DISP3: variants seen among roughly 807,000 people sequenced by gnomAD.
DISP3 encodes the protein dispatched RND transporter family member 3, also known as protein dispatched homolog 3.
DISP3 carries 101 observed loss-of-function variants against 135.3 expected under a neutral mutation model. That is an observed-to-expected ratio of 0.75 (90% CI 0.64 to 0.88). The LOEUF (loss-of-function observed/expected upper bound fraction) is 0.88. Ranked by LOEUF, DISP3 falls within the 40% of genes least tolerant of loss-of-function variation. The probability of loss-of-function intolerance (pLI) is 0.00; values close to 1 mark genes in which losing one functional copy is unlikely to be tolerated. For missense variants in DISP3, 1,713 were observed against 1,878.6 expected (o/e 0.91, Z 1.63); for synonymous variants, 856 against 817.0 (o/e 1.05, Z -0.81).
intron 3 of DISP3, 147 bp from the exon 4 acceptor site, chr1:11,514,243 A>G: frequency 1.1e-6 from 1 of 940,622 alleles, no homozygotes; most frequent in East Asian, 2.4e-5. Flanking sequence ...GGATTATTGG[A>G]AGCCCCCAGG....
chr1:11,517,732 G>A (rs1047875204), intron 7 of DISP3, 130 bp downstream of exon 7: 1 of 1,232,530 alleles, frequency 8.1e-7, no homozygotes, highest in Non-Finnish European at 1.1e-6. Context: ...GAACAGGGAA[G>A]GAGAAGATGC....
intron 1 of DISP3, among the ~76,000 whole-genome samples, chr1:11,498,080 C>A (rs1220253419): frequency 6.6e-6 from 1 of 152,224 alleles, no homozygotes; most frequent in Non-Finnish European, 1.5e-5. Context: ...TCACTTAAAT[C>A]CAGCAAATGC....
At position 11,501,560 on chromosome 1, in the gene DISP3, TC is replaced by T. The variant is rs762669924; in HGVS notation, c.570del (p.Ala191ArgfsTer36). 1 of 1,588,286 alleles carries T rather than the reference TC, an allele frequency of 6.3e-7. No homozygotes were observed. Among genetic ancestry groups the T allele is most frequent in the East Asian group, 2.2e-5 (1 of 44,470 alleles). ...LGGPGPYRDT[S>X]AAQKPTANRS... ...TGGCCCAGGCCCTTACCGGGACACT[TC>T]CGCGGCTCAAAAGCCCACAGCCAAT... On this transcript the variant is annotated frameshift_variant, in exon 2 of 21. Transcript: ENST00000294484. LOFTEE classifies it high-confidence loss of function. This position sits in a 1 kb window ranked among gnomAD's most constrained non-coding sequence, Gnocchi z 4.9.
rs1642513826 is a variant in DISP3, at chr1:11,529,422, C to T, written c.2799-134C>T. 2 of 1,106,738 alleles carry T rather than the reference C, an allele frequency of 1.8e-6. No homozygotes were observed. The highest frequency in any genetic ancestry group is 3.5e-5 in the South Asian group (2 of 57,486). The allele number at this position is 1,106,738 out of a possible 1,614,324, so 68.6% of individuals were successfully genotyped here. A position where few individuals can be genotyped will look rare whatever the true frequency, so the allele number is the denominator to read the frequency against. Reference sequence around the variant, plus strand: ...CCAGCCCTCAACCTGAGAACAAATCCCCATGCCGGGGCAGAGCCCGAGTCC... The same window carrying T: ...CCAGCCCTCAACCTGAGAACAAATCTCCATGCCGGGGCAGAGCCCGAGTCC... On this transcript the variant is annotated intron_variant, in intron 13 of 20. Transcript: ENST00000294484. This position sits in a 1 kb window ranked among gnomAD's most constrained non-coding sequence, Gnocchi z 4.7.
chr1:11,522,563 G>GCCCAGCCAGGACCCAGCCAGGA (rs1642231831), intron 10 of DISP3, among the ~76,000 whole-genome samples: 1 of 111,792 alleles, frequency 8.9e-6, no homozygotes, highest in African/African-American at 3.4e-5. Context: ...CCCAGCCAGA[G>GCCCAGCCAGGACCCAGCCAGGA]CCCAGCCAGG....
intron 1 of DISP3, among the ~76,000 whole-genome samples, chr1:11,498,477 C>T (rs1332699534): frequency 6.6e-6 from 1 of 152,168 alleles, no homozygotes; most frequent in Non-Finnish European, 1.5e-5. Context: ...GGATGAGCGT[C>T]CGAAGAGAGC....
In DISP3 at chr1:11,516,386, A is replaced by G. The variant is rs943680603; in HGVS notation, c.1749+225A>G. Among the ~76,000 whole-genome samples, 2 of 152,238 alleles carry G rather than the reference A, an allele frequency of 1.3e-5. No homozygotes were observed. The highest frequency in any genetic ancestry group is 4.8e-5 in the African/African-American group (2 of 41,464). ...ACAGCATGCATTAGGGATCCTCAGT[A>G]GTAGTAATCCAGCCTCCACCCTGGA... is the stretch of plus-strand genomic sequence containing the variant. On this transcript the variant is annotated intron_variant, in intron 6 of 20. Transcript: ENST00000294484. The surrounding 1 kb of genome is among the most constrained non-coding windows in gnomAD (Gnocchi z 5.1).
At chr1:11,485,870 T>C (rs1275497518) in intron 1 of DISP3, among the ~76,000 whole-genome samples, 2 of 152,134 alleles carry the variant, frequency 1.3e-5, no homozygotes, top group Admixed American at 1.3e-4. Flanking sequence ...GCAGTGGAGA[T>C]GGGACCCAGC....
In DISP3 at chr1:11,524,074, G is replaced by T; in HGVS notation, c.2476+19G>T. 1 of 1,571,650 alleles carries T rather than the reference G, an allele frequency of 6.4e-7. No individual in the cohort carries two copies. Among genetic ancestry groups the T allele is most frequent in the South Asian group, 1.1e-5 (1 of 90,066 alleles). ...CTGCAGGGTGAGCACTGGGGGTGGA[G>T]GGTGGGGAAATCCTCCCTGGTGCTA... On this transcript the variant is annotated intron_variant, in intron 11 of 20. Coordinates refer to ENST00000294484, the MANE Select transcript of DISP3 (RefSeq NM_020780.2).
At chr1:11,496,955 T>A (rs1641352373) in intron 1 of DISP3, among the ~76,000 whole-genome samples, 1 of 152,254 alleles carries the variant, frequency 6.6e-6, no homozygotes, top group Non-Finnish European at 1.5e-5. Flanking sequence ...ACACGTGGGT[T>A]GACCACCAGT....
chr1:11,482,634 C>T (rs1640932061), intron 1 of DISP3, among the ~76,000 whole-genome samples: 1 of 152,118 alleles, frequency 6.6e-6, no homozygotes, highest in African/African-American at 2.4e-5. Context: ...TTGTTAAAAT[C>T]GAGAGCTCAG....
chr1:11,488,671 G>T (rs1333453847), intron 1 of DISP3, among the ~76,000 whole-genome samples: 1 of 145,116 alleles, frequency 6.9e-6, no homozygotes, highest in Admixed American at 7.0e-5. Context: ...GTGTGTGTTT[G>T]CAGACACGTG....
At chr1:11,533,762 G>C (rs1424686892) in intron 17 of DISP3, 1 of 636,016 alleles carries the variant, frequency 1.6e-6, no homozygotes. Context: ...GACCTACTAT[G>C]AACTGGCTTG....
At chr1:11,482,574 A>T (rs954578801) in intron 1 of DISP3, among the ~76,000 whole-genome samples, 1 of 152,202 alleles carries the variant, frequency 6.6e-6, no homozygotes, top group African/African-American at 2.4e-5. Context: ...GGGTGGTAGT[A>T]GTGATGGTTG....
Position 11,501,770 on chromosome 1 carries a change from C to A in DISP3, c.778C>A (p.Arg260Ser). The A allele has an allele frequency of 6.3e-7, 1 of 1,593,976 alleles. No homozygotes were observed. The highest frequency in any genetic ancestry group is 1.7e-5 in the Admixed American group (1 of 58,470). The change falls in exon 2 of 21, where the codon CGC (arginine) becomes AGC (serine). Residue 260 changes from arginine to serine, a missense_variant. Around this residue, in one of 2 missense-constraint regions of DISP3, gnomAD observed 571 missense variants for 494.1 expected, o/e 1.16. Coordinates refer to ENST00000294484, the MANE Select transcript of DISP3 (RefSeq NM_020780.2). The surrounding 1 kb of genome is among the most constrained non-coding windows in gnomAD (Gnocchi z 4.9). ...RRGASRWDYS[R>S]AYVSANTQTH... ...AGGCGCCTCGCGCTGGGACTACTCGCGCGCCTATGTGAGTGCCAACACTCA... is the reference window on the plus strand; with the variant it reads ...AGGCGCCTCGCGCTGGGACTACTCGAGCGCCTATGTGAGTGCCAACACTCA...
At position 11,529,580 on chromosome 1, in the gene DISP3, C is replaced by G. The variant is rs914113668; in HGVS notation, c.2823C>G (p.His941Gln). The G allele has an allele frequency of 2.5e-6, 4 of 1,588,102 alleles. No individual in the cohort carries two copies. The highest frequency in any genetic ancestry group is 3.4e-6 in the Non-Finnish European group (4 of 1,163,834). Residue 941 changes from histidine to glutamine, a missense_variant, in exon 14 of 21, where the codon CAC becomes CAG. Around this residue, in one of 2 missense-constraint regions of DISP3, gnomAD observed 1,142 missense variants for 1,384.6 expected, o/e 0.82. Transcript: ENST00000294484. This position sits in a 1 kb window ranked among gnomAD's most constrained non-coding sequence, Gnocchi z 4.7. ...GGAAGCTGTACTTCGCCCAGTCCCA[C>G]AAGCCCCCCTTCCACGGGCGCGTAT... ...HTRKLYFAQSHKPPFHGRVCM... is the reference protein window; with the variant it reads ...HTRKLYFAQSQKPPFHGRVCM...
chr1:11,512,451 A>C (rs897518190), intron 3 of DISP3, among the ~76,000 whole-genome samples: 1 of 152,232 alleles, frequency 6.6e-6, no homozygotes, highest in Non-Finnish European at 1.5e-5. Context: ...GGGCAGTAGC[A>C]AAATGCCACC....
rs187057630 is a variant in DISP3, at chr1:11,498,400, A to G, written c.-3-2590A>G. On this transcript the variant is annotated intron_variant, in intron 1 of 20. Transcript: ENST00000294484. ...GCTGTCAGGTTGGTTGTCAGCAGGAAGTCCTACGAGTGATCTCTCTGCATG... is the reference window on the plus strand; with the variant it reads ...GCTGTCAGGTTGGTTGTCAGCAGGAGGTCCTACGAGTGATCTCTCTGCATG... Among the ~76,000 whole-genome samples the G allele has an allele frequency of 8.0e-4, 122 of 152,312 alleles. 1 individual carries two copies. Among genetic ancestry groups the G allele is most frequent in the African/African-American group, 2.9e-3 (119 of 41,576 alleles).
At chr1:11,522,782 GGCCC>G (rs1642267239) in intron 10 of DISP3, among the ~76,000 whole-genome samples, 2 of 19,690 alleles carry the variant, frequency 1.0e-4, no homozygotes, top group Admixed American at 5.0e-4. Context: ...ACCCAGCCAG[GGCCC>G]AGCCAGAGCC....
Sources: gnomAD v4.1 joint callset for allele counts (sites outside exome capture counted in the v4.1 genomes callset) on GRCh38, gnomAD v4.1.1 for gene constraint, gnomAD v4.1.1 regional missense constraint, Gnocchi (gnomAD v3.1) non-coding constraint, MANE v1.5 for transcripts, NCBI Gene and HGNC (gene_info 2026-07-23, HGNC 2026-07-21) for gene names.